RBM34: variants seen among roughly 807,000 people sequenced by gnomAD.
RBM34 encodes the protein RNA-binding protein 34.
In RBM34, 39 loss-of-function variants were observed where a neutral mutation model predicts 44.6. That is an observed-to-expected ratio of 0.87 (90% CI 0.68 to 1.14). RBM34 has a LOEUF of 1.14. Ranked by LOEUF, RBM34 falls within the 50% of genes most tolerant of loss-of-function variation. The pLI, the probability that RBM34 is intolerant of heterozygous loss-of-function variation, is 0.00. For synonymous variants in RBM34, 194 were observed against 184.0 expected, an observed-to-expected ratio of 1.05 and a Z score of -0.44; for missense variants, 572 against 517.9, an observed-to-expected ratio of 1.10 and a Z score of -1.01.
chr1:235,160,476 A>C (rs778966512), intron 3 of RBM34, 35 bp downstream of exon 3: 27 of 1,583,168 alleles, frequency 1.7e-5, no homozygotes, highest in Non-Finnish European at 1.9e-5. Context: ...TTACCATCTA[A>C]TTTCTTTAAC....
At chr1:235,136,354 A>T (rs1233455061) in intron 8 of RBM34, among the ~76,000 whole-genome samples, 1 of 152,206 alleles carries the variant, frequency 6.6e-6, no homozygotes, top group Non-Finnish European at 1.5e-5. Context: ...TTTTCTGTAA[A>T]GGGCCAGATA....
intron 3 of RBM34, among the ~76,000 whole-genome samples, chr1:235,157,555 G>A (rs1572170225): frequency 1.3e-5 from 2 of 152,138 alleles, no homozygotes; most frequent in South Asian, 4.1e-4. Flanking sequence ...AAACATACAT[G>A]TCTGGAGATC....
intron 6 of RBM34, among the ~76,000 whole-genome samples, chr1:235,141,422 A>G (rs1332686694): frequency 6.6e-6 from 1 of 152,134 alleles, no homozygotes; most frequent in African/African-American, 2.4e-5. Flanking sequence ...TGATGGGGAC[A>G]TGGAGAACCT....
intron 3 of RBM34, among the ~76,000 whole-genome samples, 199 bp from the exon 4 acceptor site, chr1:235,155,311 T>A (rs1276493782): frequency 1.3e-5 from 2 of 152,160 alleles, no homozygotes; most frequent in African/African-American, 2.4e-5. Context: ...AGAAAAAAAA[T>A]GATTTAACTC....
At chr1:235,156,905 G>A (rs1014339961) in intron 3 of RBM34, among the ~76,000 whole-genome samples, 12 of 152,208 alleles carry the variant, frequency 7.9e-5, no homozygotes, top group African/African-American at 2.4e-4. Flanking sequence ...AAACGAGAAA[G>A]GCTTCTCAGA....
chr1:235,135,912 A>G, intron 9 of RBM34, 122 bp downstream of exon 9: 2 of 1,216,702 alleles, frequency 1.6e-6, no homozygotes, highest in Non-Finnish European at 2.3e-6. Context: ...ATGTGCTGCC[A>G]CGGCAAACAC....
rs747400589 is a variant in RBM34 at position 235,160,951 on chromosome 1, G to A, written c.170C>T (p.Ala57Val). Residue 57 changes from alanine (A) to valine (V), a missense_variant, in exon 2 of 11, where the codon GCG becomes GTG. Coordinates refer to ENST00000408888, the MANE Select transcript of RBM34 (RefSeq NM_015014.4). ...HHSRGGTGRL[A>V]SLFSSLEPQI... The stretch of plus-strand genomic sequence containing the variant: ...GGGCTCCAGAGAACTGAAGAGGGAC[G>A]CCAGCCGACCGGTGCCACCTCTGGA... 2 of 1,614,126 alleles carry A rather than the reference G, an allele frequency of 1.2e-6. No individual in the cohort carries two copies. The highest frequency in any genetic ancestry group is 1.7e-6 in the Non-Finnish European group (2 of 1,180,028).
intron 5 of RBM34, among the ~76,000 whole-genome samples, chr1:235,151,969 G>C (rs1324229464): frequency 6.6e-6 from 1 of 151,888 alleles, no homozygotes; most frequent in Non-Finnish European, 1.5e-5. Context: ...GGAGGCGAAG[G>C]GTGCAGTGAG....
intron 4 of RBM34, 108 bp downstream of exon 4, chr1:235,154,773 T>C: frequency 1.1e-6 from 1 of 879,564 alleles, no homozygotes; most frequent in Admixed American, 2.3e-5. Context: ...ATGATTTATG[T>C]AATAATTTAC....
Position 235,155,036 on chromosome 1 carries a change from G to A in RBM34, c.442C>T (p.Pro148Ser). Residue 148 changes from proline to serine, a missense_variant, in exon 4 of 11, where the codon CCT becomes TCT. Pro to Ser is a moderately conservative substitution (Grantham distance 74). Transcript: ENST00000408888. The part of the protein sequence containing the change: ...KQGQKRKNSQ[P>S]GVKVADRKIL... ...TTTCTATCTGCTACTTTAACACCAG[G>A]TTGAGAATTTTTCCTTTTCTGCCCT... is the stretch of plus-strand genomic sequence containing the variant. The A allele has an allele frequency of 1.9e-6, 3 of 1,613,986 alleles. No homozygotes were observed. The highest frequency in any genetic ancestry group is 2.5e-6 in the Non-Finnish European group (3 of 1,179,990).
intron 6 of RBM34, among the ~76,000 whole-genome samples, chr1:235,141,140 G>A (rs1400374884): frequency 6.6e-6 from 1 of 151,220 alleles, no homozygotes; most frequent in African/African-American, 2.4e-5. Context: ...ACACCAATCG[G>A]CACCCTGTGT....
chr1:235,147,359 A>G (rs1445517129), intron 6 of RBM34, among the ~76,000 whole-genome samples: 7 of 152,242 alleles, frequency 4.6e-5, no homozygotes, highest in Non-Finnish European at 8.8e-5. Flanking sequence ...GTACTTGTAC[A>G]TACACCTGTC....
chr1:235,135,533 T>C (rs951672342), intron 10 of RBM34, 119 bp downstream of exon 10: 22 of 932,318 alleles, frequency 2.4e-5, no homozygotes, highest in Admixed American at 1.9e-4. Context: ...CTAGCCCAGT[T>C]TTCTTAAGAT....
chr1:235,142,468 G>C (rs572099920), intron 6 of RBM34, among the ~76,000 whole-genome samples: 1 of 151,786 alleles, frequency 6.6e-6, no homozygotes, highest in South Asian at 2.1e-4. Context: ...TAGTAGAGAC[G>C]GGGTTTCACC....
chr1:235,137,826 C>T lies in RBM34; in HGVS notation c.849+51G>A, dbSNP rs746843706. On this transcript the variant is annotated intron_variant, in intron 8 of 10. Transcript: ENST00000408888. ...CTTCCAGGAAAAGCCTGGAAGGAAA[C>T]ATTTCTCTCTACAAAGCTCTCGTTC... The T allele has an allele frequency of 9.3e-6, 13 of 1,397,792 alleles. No individual in the cohort carries two copies. In the South Asian group the frequency reaches 1.7e-4, roughly 18 times the overall value. The allele number at this position is 1,397,792 out of a possible 1,614,324, so 86.6% of individuals were successfully genotyped here. A position where few individuals can be genotyped will look rare whatever the true frequency, so the allele number is the denominator to read the frequency against.
At chr1:235,159,940 A>T (rs1292468295) in intron 3 of RBM34, among the ~76,000 whole-genome samples, 3 of 152,066 alleles carry the variant, frequency 2.0e-5, no homozygotes, top group Non-Finnish European at 4.4e-5. Flanking sequence ...TGAAACATAA[A>T]TTTTCATTTT....
intron 6 of RBM34, among the ~76,000 whole-genome samples, chr1:235,147,821 C>T (rs1227735523): frequency 1.3e-5 from 2 of 151,930 alleles, no homozygotes; most frequent in Non-Finnish European, 2.9e-5. Context: ...GAGAAAAACA[C>T]CCAAGATATG....
rs200568508 is a variant in RBM34 at position 235,131,925 on chromosome 1, G to A, written c.1081C>T (p.Arg361Cys). 3.8e-5 allele frequency: 62 copies of A among 1,612,490 alleles called. 1 individual carries two copies. In the Admixed American group the frequency reaches 5.2e-4, roughly 13 times the overall value. ...ELMGRKLRVMRSVNKEKFKQQ... is the reference protein window; with the variant it reads ...ELMGRKLRVMCSVNKEKFKQQ... ...TTAAATTTTTCTTTATTAACAGAAC[G>A]CATGACTCTGAGTTTTCTCCCCATG... The change falls in exon 11 of 11, where the codon CGT (arginine) becomes TGT (cysteine). Residue 361 changes from arginine (R) to cysteine (C), a missense_variant. Transcript: ENST00000408888.
chr1:235,148,278 A>T, intron 6 of RBM34, 126 bp downstream of exon 6: 1 of 574,048 alleles, frequency 1.7e-6, no homozygotes, highest in Non-Finnish European at 2.8e-6. Flanking sequence ...AGAAGCAAAC[A>T]GTCAATCATG....
Sources: gnomAD v4.1 joint callset for allele counts (sites outside exome capture counted in the v4.1 genomes callset) on GRCh38, gnomAD v4.1.1 for gene constraint, MANE v1.5 for transcripts, NCBI Gene and HGNC (gene_info 2026-07-23, HGNC 2026-07-21) for gene names.